AP2A2: variants seen among roughly 807,000 people sequenced by gnomAD.
AP2A2 encodes the protein AP-2 complex subunit alpha-2.
AP2A2 carries 32 observed loss-of-function variants against 104.2 expected under a neutral mutation model. That is an observed-to-expected ratio of 0.31 (90% CI 0.23 to 0.41). AP2A2 has a LOEUF of 0.41. Among genes scored for constraint, AP2A2 ranks in the 10% least tolerant of loss-of-function variants. The pLI is 1.00. For synonymous variants in AP2A2, 539 were observed against 533.3 expected (o/e 1.01, Z -0.15); for missense variants, 912 against 1,261.0 (o/e 0.72, Z 4.19).
intron 10 of AP2A2, among the ~76,000 whole-genome samples, chr11:991,974 G>A (rs1855670880): frequency 6.6e-6 from 1 of 152,160 alleles, no homozygotes; most frequent in Non-Finnish European, 1.5e-5. Context: ...CTGGGCAGGT[G>A]CCTCCGGGGG....
At chr11:942,418 A>G (rs966178775) in intron 1 of AP2A2, 2 of 152,222 alleles carry the variant, frequency 1.3e-5, no homozygotes, top group African/African-American at 4.8e-5. Flanking sequence ...AAACCTACGT[A>G]TGGGATTAGT....
At chr11:995,367 T>C (rs1463311799) in intron 14 of AP2A2, 3 of 455,878 alleles carry the variant, frequency 6.6e-6, no homozygotes, top group South Asian at 4.6e-5. Flanking sequence ...AGAGTTGCGT[T>C]TTTGCTTGGC....
chr11:947,236 C>T (rs998671923), intron 1 of AP2A2, among the ~76,000 whole-genome samples: 3 of 152,082 alleles, frequency 2.0e-5, no homozygotes, highest in African/African-American at 7.2e-5. Context: ...GTCTCGAACT[C>T]CTGACCTCAG....
chr11:988,872 G>A, intron 10 of AP2A2, 183 bp downstream of exon 10: 1 of 796,564 alleles, frequency 1.3e-6, no homozygotes, highest in Non-Finnish European at 2.0e-6. Context: ...GGTGGCACCT[G>A]TGGTCCCCGC....
At chr11:990,254 C>T (rs189004919) in intron 10 of AP2A2, among the ~76,000 whole-genome samples, 2,351 of 152,230 alleles carry the variant, frequency 0.015, 33 homozygotes, top group Non-Finnish European at 0.022. Context: ...GGCTGACTCC[C>T]GGCAGGAGGC....
intron 1 of AP2A2, among the ~76,000 whole-genome samples, chr11:942,778 G>C (rs1853699913): frequency 6.6e-6 from 1 of 152,206 alleles, no homozygotes; most frequent in Non-Finnish European, 1.5e-5. Flanking sequence ...ATGATAAAAG[G>C]GGACTCCCTT....
chr11:941,995 T>C (rs1853665928), intron 1 of AP2A2, among the ~76,000 whole-genome samples: 1 of 150,700 alleles, frequency 6.6e-6, no homozygotes, highest in South Asian at 2.1e-4. Flanking sequence ...AGCGTGATCT[T>C]GGCTCACTGC....
At chr11:941,569 A>ACCGCGCTTAGCAATAC (rs1853643850) in intron 1 of AP2A2, among the ~76,000 whole-genome samples, 1 of 149,752 alleles carries the variant, frequency 6.7e-6, no homozygotes, top group South Asian at 2.1e-4. Context: ...GGCATGAGCC[A>ACCGCGCTTAGCAATAC]CTGTGGCTGG....
At chr11:974,654 G>A (rs1012514913) in intron 4 of AP2A2, among the ~76,000 whole-genome samples, 1 of 141,386 alleles carries the variant, frequency 7.1e-6, no homozygotes, top group African/African-American at 2.7e-5. Context: ...CTACACACCA[G>A]CCTGGGCAAC....
Position 986,779 on chromosome 11 carries a change from A to G in AP2A2, c.963-6A>G, listed in dbSNP as rs1175741941. On this transcript the variant is annotated splice_region_variant and splice_polypyrimidine_tract_variant and intron_variant, in intron 8 of 21. Coordinates refer to ENST00000448903, the MANE Select transcript of AP2A2 (RefSeq NM_012305.4). Reference sequence around the variant, plus strand: ...AACCCCACCCACTTCCCCTCCCTCCACACAGTGAGCCGAACCTGCTCGTCC... The same window carrying G: ...AACCCCACCCACTTCCCCTCCCTCCGCACAGTGAGCCGAACCTGCTCGTCC... The G allele has an allele frequency of 1.2e-6, 2 of 1,612,448 alleles. No individual in the cohort carries two copies. The highest frequency in any genetic ancestry group is 1.7e-6 in the Non-Finnish European group (2 of 1,179,530).
chr11:998,491 T>C (rs1412147639), intron 14 of AP2A2, among the ~76,000 whole-genome samples: 1 of 152,198 alleles, frequency 6.6e-6, no homozygotes, highest in Non-Finnish European at 1.5e-5. Flanking sequence ...TAATGTAAAA[T>C]GGCATTCAGG....
rs375527476 is a variant in AP2A2, at chr11:993,372, C to T, written c.1541C>T (p.Pro514Leu). The change falls in exon 12 of 22, where the codon CCG becomes CTG. Residue 514 changes from proline to leucine, a missense_variant. This residue lies in a region of AP2A2 where 137 missense variants were observed against 186.9 expected (regional missense o/e 0.73). Transcript: ENST00000448903. This position sits in a 1 kb window ranked among gnomAD's most constrained non-coding sequence, Gnocchi z 8.2. ...GEFGNLIAGD[P>L]RSSPLIQFHL... ...TTTGGAAACTTGATAGCTGGAGACC[C>T]GAGATCCAGGTGAGAGGCCCTTTGC... 125 of 1,609,952 alleles carry T rather than the reference C, an allele frequency of 7.8e-5. No homozygotes were observed. Among genetic ancestry groups the T allele is most frequent in the Admixed American group, 1.2e-4 (7 of 59,250 alleles).
At chr11:951,330 C>T (rs1854045264) in intron 1 of AP2A2, among the ~76,000 whole-genome samples, 1 of 152,050 alleles carries the variant, frequency 6.6e-6, no homozygotes, top group Admixed American at 6.5e-5. Flanking sequence ...AGTTTGAGAC[C>T]AGCCTGACCA....
chr11:949,161 A>C (rs1303256530), intron 1 of AP2A2, among the ~76,000 whole-genome samples: 1 of 151,944 alleles, frequency 6.6e-6, no homozygotes, highest in East Asian at 1.9e-4. Flanking sequence ...CTTTAGTCCC[A>C]GCCACTTGGG....
At chr11:999,132 A>T (rs1055015623) in intron 14 of AP2A2, among the ~76,000 whole-genome samples, 2 of 152,052 alleles carry the variant, frequency 1.3e-5, no homozygotes, top group Non-Finnish European at 2.9e-5. Flanking sequence ...GCCCTGTTGG[A>T]TGGGTGAGCA....
chr11:959,348 C>T lies in AP2A2; in HGVS notation c.68-89C>T, dbSNP rs1452868335. On this transcript the variant is annotated intron_variant, in intron 1 of 21. Coordinates refer to ENST00000448903, the MANE Select transcript of AP2A2 (RefSeq NM_012305.4). Reference sequence around the variant, plus strand: ...CCTTGAAACGGGGCCTCATCCCATTCGTGAGTTCTGAGTGTCAGTCTTATC... The same window carrying T: ...CCTTGAAACGGGGCCTCATCCCATTTGTGAGTTCTGAGTGTCAGTCTTATC... The T allele has an allele frequency of 3.8e-5, 34 of 898,986 alleles. 1 individual carries two copies. The South Asian group carries it at 3.8e-4, about 10-fold the overall frequency. The allele number at this position is 898,986 out of a possible 1,614,324, so 55.7% of individuals were successfully genotyped here.
At position 1,000,427 on chromosome 11, in the gene AP2A2, T is replaced by TC; in HGVS notation, c.1957-3dup. ...CTGCTGATGCTCTCCTTCCTTCTCTTCCAGTCTACGCCTTCTCCGTCGGCA... is the reference window on the plus strand; with the variant it reads ...CTGCTGATGCTCTCCTTCCTTCTCTTCCCAGTCTACGCCTTCTCCGTCGGCA... On this transcript the variant is annotated splice_polypyrimidine_tract_variant and splice_region_variant and intron_variant, in intron 14 of 21. Coordinates refer to ENST00000448903, the MANE Select transcript of AP2A2 (RefSeq NM_012305.4). 1 of 1,544,218 alleles carries TC rather than the reference T, an allele frequency of 6.5e-7. No individual in the cohort carries two copies. Among genetic ancestry groups the TC allele is most frequent in the Non-Finnish European group, 8.7e-7 (1 of 1,147,522 alleles).
In AP2A2 at chr11:993,512, CTT is replaced by C. The variant is rs1311737111; in HGVS notation, c.1550+135_1550+136del. 25 of 714,152 alleles carry C rather than the reference CTT, an allele frequency of 3.5e-5. No individual in the cohort carries two copies. Among genetic ancestry groups the C allele is most frequent in the Middle Eastern group, 3.4e-4 (1 of 2,966 alleles). The allele number at this position is 714,152 out of a possible 1,614,324, so 44.2% of individuals were successfully genotyped here. Reference sequence around the variant, plus strand: ...AGCCGCTTCTGCTCCCCATCGGCGTCTTTTTGTTTTCCTTCAGTTGATAGAAA... The same window carrying C: ...AGCCGCTTCTGCTCCCCATCGGCGTCTTTGTTTTCCTTCAGTTGATAGAAA... On this transcript the variant is annotated intron_variant, in intron 12 of 21. Coordinates refer to ENST00000448903, the MANE Select transcript of AP2A2 (RefSeq NM_012305.4). The surrounding 1 kb of genome is among the most constrained non-coding windows in gnomAD (Gnocchi z 8.2).
intron 1 of AP2A2, among the ~76,000 whole-genome samples, chr11:951,568 G>A (rs866564428): frequency 1.3e-5 from 2 of 152,146 alleles, no homozygotes; most frequent in Non-Finnish European, 2.9e-5. Context: ...CTGGTGATGG[G>A]CACAGTAGCT....
Sources: allele counts gnomAD v4.1 joint callset (sites outside exome capture counted in the v4.1 genomes callset), GRCh38; gene constraint gnomAD v4.1.1; regional missense constraint gnomAD v4.1.1; non-coding constraint Gnocchi (gnomAD v3.1); transcripts MANE v1.5; gene names NCBI Gene and HGNC (gene_info 2026-07-23, HGNC 2026-07-21).